Variants in GNAO1 observed in about 807,000 individuals in gnomAD.
GNAO1 encodes the protein G protein subunit alpha o1.
For synonymous variants in GNAO1, 164 were observed against 180.7 expected (o/e 0.91, Z 0.74); for missense variants, 166 against 478.7 (o/e 0.35, Z 6.10).
intron 2 of GNAO1, among the ~76,000 whole-genome samples, chr16:56,234,427 C>A (rs2143407083): frequency 6.6e-6 from 1 of 152,372 alleles, no homozygotes; most frequent in Non-Finnish European, 1.5e-5. Context: ...TGCTCGGGGC[C>A]TGCAGCTGAA....
rs1445031459 is a variant in GNAO1 at position 56,256,714 on chromosome 16, C to CTG, written c.162-19216_162-19215insGT. Among the ~76,000 whole-genome samples, 9 of 123,484 alleles carry CTG rather than the reference C, an allele frequency of 7.3e-5. No homozygotes were observed. The East Asian group carries it at 1.8e-3, about 25-fold the overall frequency. 81.0% of individuals were successfully genotyped at this position (123,484 alleles called of 152,430 possible). On this transcript the variant is annotated intron_variant, in intron 2 of 8. Coordinates refer to ENST00000262493, the MANE Select transcript of GNAO1 (RefSeq NM_020988.3). ...TCTCTCTCTCTCTCTCTCTCTCTCT[C>CTG]TCTCTGTGTGTGTGTGTGTGTGTGT...
At chr16:56,328,914 T>A in intron 4 of GNAO1, 123 bp downstream of exon 4, 7 of 923,292 alleles carry the variant, frequency 7.6e-6, no homozygotes, top group South Asian at 1.6e-5. Flanking sequence ...CCGGGAGATG[T>A]TCTCCCATAG....
At position 56,327,000 on chromosome 16, in the gene GNAO1, C is replaced by T. The variant is rs1351213953; in HGVS notation, c.304-1631C>T. Among the ~76,000 whole-genome samples the T allele has an allele frequency of 1.3e-5, 2 of 152,196 alleles. No homozygotes were observed. Among genetic ancestry groups the T allele is most frequent in the Non-Finnish European group, 2.9e-5 (2 of 68,034 alleles). ...CTCATCTTGAGTCCCACCCCTGCCACTCACCATCGGGTTGTTAAGTGAGTG... is the reference window on the plus strand; with the variant it reads ...CTCATCTTGAGTCCCACCCCTGCCATTCACCATCGGGTTGTTAAGTGAGTG... On this transcript the variant is annotated intron_variant, in intron 3 of 8. Transcript: ENST00000262493. The surrounding 1 kb of genome is among the most constrained non-coding windows in gnomAD (Gnocchi z 4.8).
chr16:56,213,398 G>A, intron 2 of GNAO1: 1 of 398,502 alleles, frequency 2.5e-6, no homozygotes, highest in Non-Finnish European at 4.4e-6. Flanking sequence ...CAATAAATAA[G>A]GAAAATACAT....
chr16:56,206,648 G>A (rs190276561), intron 2 of GNAO1, among the ~76,000 whole-genome samples: 187 of 152,278 alleles, frequency 1.2e-3, no homozygotes, highest in African/African-American at 4.3e-3. Context: ...TCATCAAACT[G>A]TATACCTAAA....
At chr16:56,349,991 C>T (rs910078674) in intron 6 of GNAO1, among the ~76,000 whole-genome samples, 3 of 152,210 alleles carry the variant, frequency 2.0e-5, no homozygotes, top group Non-Finnish European at 4.4e-5. Context: ...GCTGTGTCAC[C>T]GCGGTGTCCC....
chr16:56,211,964 G>C (rs1172680018), intron 2 of GNAO1, among the ~76,000 whole-genome samples: 7 of 152,180 alleles, frequency 4.6e-5, no homozygotes, highest in Non-Finnish European at 2.9e-5. Flanking sequence ...CAGAGTCAAA[G>C]AATGAGGAAT....
intron 2 of GNAO1, among the ~76,000 whole-genome samples, chr16:56,259,070 G>A (rs1212095905): frequency 2.0e-5 from 3 of 152,236 alleles, no homozygotes; most frequent in East Asian, 3.8e-4. Context: ...GACATTTTGT[G>A]ATCAGTGGGC....
intron 2 of GNAO1, among the ~76,000 whole-genome samples, chr16:56,250,938 A>G (rs935511144): frequency 2.0e-5 from 3 of 152,248 alleles, no homozygotes; most frequent in Non-Finnish European, 4.4e-5. Context: ...ACATTTGGCC[A>G]AGAGCTGGGG....
chr16:56,250,176 G>C (rs1159489651), intron 2 of GNAO1, among the ~76,000 whole-genome samples: 1 of 152,228 alleles, frequency 6.6e-6, no homozygotes, highest in Non-Finnish European at 1.5e-5. Flanking sequence ...ATGTCCCTCA[G>C]ACAAGTTGGC....
At chr16:56,284,630 G>GC (rs1194378048) in intron 3 of GNAO1, among the ~76,000 whole-genome samples, 3 of 152,062 alleles carry the variant, frequency 2.0e-5, no homozygotes, top group Admixed American at 6.5e-5. Flanking sequence ...CCTCCCAGCT[G>GC]CCCCCCAGCA....
At chr16:56,234,281 G>T (rs1170438705) in intron 2 of GNAO1, among the ~76,000 whole-genome samples, 2 of 152,240 alleles carry the variant, frequency 1.3e-5, no homozygotes, top group Non-Finnish European at 2.9e-5. Flanking sequence ...AATGCCAAAG[G>T]CCTAAGCAAA....
intron 6 of GNAO1, chr16:56,345,940 C>T: frequency 1.0e-6 from 1 of 985,516 alleles, no homozygotes; most frequent in Non-Finnish European, 1.2e-6. Flanking sequence ...CTCTCCATGT[C>T]CCCCAGCAGC....
At chr16:56,254,928 A>G (rs1428192741) in intron 2 of GNAO1, among the ~76,000 whole-genome samples, 1 of 152,190 alleles carries the variant, frequency 6.6e-6, no homozygotes, top group African/African-American at 2.4e-5. Flanking sequence ...GATAACATGA[A>G]ATAACTGTTC....
intron 2 of GNAO1, among the ~76,000 whole-genome samples, chr16:56,207,789 C>A (rs953538653): frequency 3.3e-5 from 5 of 152,208 alleles, no homozygotes; most frequent in African/African-American, 9.6e-5. Context: ...GTAACATTGA[C>A]ACTGTCTTTA....
chr16:56,241,683 A>G (rs754469139), intron 2 of GNAO1, among the ~76,000 whole-genome samples: 4 of 150,440 alleles, frequency 2.7e-5, no homozygotes, highest in African/African-American at 7.3e-5. Context: ...GGTATAGGCT[A>G]TGGCCAAAAA....
rs1053568323 is a variant in GNAO1, at chr16:56,335,952, G to A, written c.594-779G>A. Among the ~76,000 whole-genome samples, 4 of 152,164 alleles carry A rather than the reference G, an allele frequency of 2.6e-5. No homozygotes were observed. In the East Asian group the frequency reaches 5.8e-4, roughly 22 times the overall value. ...TGCCTGCAGTCACTCCGTTGTGTCCGGTGGGACCAGAGATCCTTCCCTGTC... is the reference window on the plus strand; with the variant it reads ...TGCCTGCAGTCACTCCGTTGTGTCCAGTGGGACCAGAGATCCTTCCCTGTC... On this transcript the variant is annotated intron_variant, in intron 5 of 8. Transcript: ENST00000262493.
At chr16:56,204,425 G>A (rs2036307132) in intron 2 of GNAO1, among the ~76,000 whole-genome samples, 1 of 152,144 alleles carries the variant, frequency 6.6e-6, no homozygotes, top group Admixed American at 6.5e-5. Context: ...CATACATATG[G>A]CCAGGAGAGG....
intron 2 of GNAO1, among the ~76,000 whole-genome samples, chr16:56,227,916 A>G (rs1049108550): frequency 6.6e-6 from 1 of 151,908 alleles, no homozygotes; most frequent in Non-Finnish European, 1.5e-5. Flanking sequence ...GCGTGGCTGG[A>G]GCTGAGTGGA....
Sources: gnomAD v4.1 joint callset for allele counts (sites outside exome capture counted in the v4.1 genomes callset) on GRCh38, gnomAD v4.1.1 for gene constraint, Gnocchi (gnomAD v3.1) non-coding constraint, MANE v1.5 for transcripts, NCBI Gene and HGNC (gene_info 2026-07-23, HGNC 2026-07-21) for gene names.